CDH8: variants seen among roughly 807,000 people sequenced by gnomAD.
CDH8 encodes cadherin-8.
Under a neutral mutation model 68.1 loss-of-function variants are expected in CDH8, and 17 were observed. That is an observed-to-expected ratio of 0.25 (90% CI 0.17 to 0.37). The LOEUF (loss-of-function observed/expected upper bound fraction) is 0.37, where lower values mean the gene tolerates loss of function less well. Ranked by LOEUF, CDH8 falls within the 10% of genes least tolerant of loss-of-function variation. The pLI is 1.00. For synonymous variants in CDH8, 372 were observed against 365.1 expected, an observed-to-expected ratio of 1.02 and a Z score of -0.21; for missense variants, 763 against 999.3, an observed-to-expected ratio of 0.76 and a Z score of 3.19.
chr16:61,670,560 C>T (rs1963770828), intron 10 of CDH8, among the ~76,000 whole-genome samples: 1 of 151,546 alleles, frequency 6.6e-6, no homozygotes, highest in African/African-American at 2.4e-5. Flanking sequence ...AAATTAAGTC[C>T]CTACAAATAT....
chr16:61,897,846 G>A (rs1963896611), intron 3 of CDH8, among the ~76,000 whole-genome samples: 1 of 152,156 alleles, frequency 6.6e-6, no homozygotes, highest in Non-Finnish European at 1.5e-5. Flanking sequence ...CTCAGTTCCT[G>A]TTTGTAAGTC....
At chr16:61,669,091 A>T (rs559629308) in intron 10 of CDH8, among the ~76,000 whole-genome samples, 2 of 152,184 alleles carry the variant, frequency 1.3e-5, no homozygotes, top group South Asian at 2.1e-4. Flanking sequence ...TGTAGGTCAA[A>T]TATCCCTGAA....
chr16:61,836,669 A>G (rs1031545642), intron 4 of CDH8, among the ~76,000 whole-genome samples: 1 of 151,988 alleles, frequency 6.6e-6, no homozygotes, highest in African/African-American at 2.4e-5. Flanking sequence ...GGTAGCTGTC[A>G]CAATGACCAT....
chr16:61,835,487 C>T (rs192799843), intron 4 of CDH8, among the ~76,000 whole-genome samples: 2 of 152,022 alleles, frequency 1.3e-5, no homozygotes. Flanking sequence ...ACTTCTGTAG[C>T]TCTTGGATTC....
intron 3 of CDH8, among the ~76,000 whole-genome samples, chr16:61,883,571 G>A (rs1963617022): frequency 6.6e-6 from 1 of 151,566 alleles, no homozygotes; most frequent in Admixed American, 6.6e-5. Context: ...GTGAGATAAA[G>A]TTTCTTTTTT....
intron 1 of CDH8, among the ~76,000 whole-genome samples, chr16:62,035,523 G>A (rs986124704): frequency 1.3e-5 from 2 of 152,158 alleles, no homozygotes; most frequent in Non-Finnish European, 2.9e-5. Context: ...CTCGCGCTGG[G>A]GCTTTCGCAG....
chr16:61,982,295 A>G (rs925282272), intron 2 of CDH8, among the ~76,000 whole-genome samples: 2 of 151,902 alleles, frequency 1.3e-5, no homozygotes, highest in African/African-American at 2.4e-5. Flanking sequence ...TCTCGGCTCA[A>G]TGCAAGCTCC....
In CDH8 at chr16:61,848,679, G is replaced by A. The variant is rs556638081; in HGVS notation, c.667+8440C>T. ...AAATGAGCCATAAAAACTGGAGAAGGATGACATTTGTTGGGGGTATACATC... is the reference window on the plus strand; with the variant it reads ...AAATGAGCCATAAAAACTGGAGAAGAATGACATTTGTTGGGGGTATACATC... On this transcript the variant is annotated intron_variant, in intron 4 of 11. Coordinates refer to ENST00000577390, the MANE Select transcript of CDH8 (RefSeq NM_001796.5). 2.0e-5 allele frequency among the ~76,000 whole-genome samples: 3 copies of A among 152,176 alleles called. No homozygotes were observed. The South Asian group carries it at 6.2e-4, about 32-fold the overall frequency.
chr16:61,904,826 G>C (rs1964036557), intron 2 of CDH8, among the ~76,000 whole-genome samples: 1 of 152,060 alleles, frequency 6.6e-6, no homozygotes, highest in African/African-American at 2.4e-5. Flanking sequence ...TTTTTCTGCT[G>C]CTCTTCACGT....
chr16:61,698,634 C>G (rs1327888257), intron 10 of CDH8, among the ~76,000 whole-genome samples: 1 of 152,156 alleles, frequency 6.6e-6, no homozygotes, highest in African/African-American at 2.4e-5. Context: ...TTCTGTAAGT[C>G]CAACATCTAA....
At chr16:61,853,007 A>C (rs1030534189) in intron 4 of CDH8, among the ~76,000 whole-genome samples, 3 of 152,110 alleles carry the variant, frequency 2.0e-5, no homozygotes, top group Admixed American at 6.6e-5. Flanking sequence ...TAGATTTGCA[A>C]AATCAACAAA....
chr16:61,683,555 G>A (rs1404977740), intron 10 of CDH8, among the ~76,000 whole-genome samples: 1 of 151,940 alleles, frequency 6.6e-6, no homozygotes, highest in Non-Finnish European at 1.5e-5. Flanking sequence ...TGTTGAAAGA[G>A]GTAGGTCCTT....
At position 61,652,619 on chromosome 16, in the gene CDH8, A is replaced by G. The variant is rs902846079; in HGVS notation, c.*989T>C. 1.1e-5 allele frequency: 12 copies of G among 1,055,974 alleles called. No individual in the cohort carries two copies. The African/African-American group carries it at 2.0e-4, about 17-fold the overall frequency. The allele number at this position is 1,055,974 out of a possible 1,614,324, so 65.4% of individuals were successfully genotyped here. A position where few individuals can be genotyped will look rare whatever the true frequency, so the allele number is the denominator to read the frequency against. ...CATCTCATCAAAATGTACATGTATT[A>G]AACATTCATTGTATATATATTTATA... On this transcript the variant is annotated 3_prime_UTR_variant, in exon 12 of 12. Transcript: ENST00000577390.
intron 2 of CDH8, among the ~76,000 whole-genome samples, chr16:61,971,151 A>G (rs893635253): frequency 3.9e-5 from 6 of 152,164 alleles, no homozygotes; most frequent in Non-Finnish European, 7.4e-5. Flanking sequence ...ATAAGAACTG[A>G]TAATAATCCA....
At chr16:61,865,121 T>A (rs534045970) in intron 3 of CDH8, among the ~76,000 whole-genome samples, 3 of 152,308 alleles carry the variant, frequency 2.0e-5, no homozygotes, top group Admixed American at 6.5e-5. Context: ...AAATTCCACA[T>A]GCTCCAAATT....
intron 5 of CDH8, 47 bp from the exon 6 acceptor site, chr16:61,821,160 T>C (rs778383431): frequency 1.0e-5 from 15 of 1,440,044 alleles, no homozygotes; most frequent in Non-Finnish European, 1.4e-5. Context: ...TTCCAACCAT[T>C]CATTCATTCA....
At chr16:61,656,119 G>T (rs1206262522) in intron 10 of CDH8, among the ~76,000 whole-genome samples, 2 of 151,986 alleles carry the variant, frequency 1.3e-5, no homozygotes, top group African/African-American at 2.4e-5. Flanking sequence ...TGATCCACCC[G>T]CCTAGGCCTC....
At chr16:61,875,433 G>T (rs368028246) in intron 3 of CDH8, among the ~76,000 whole-genome samples, 2 of 152,082 alleles carry the variant, frequency 1.3e-5, no homozygotes, top group Non-Finnish European at 2.9e-5. Flanking sequence ...CTGATCCTCC[G>T]TGTAATTCAG....
At chr16:61,681,293 A>G (rs1964008172) in intron 10 of CDH8, among the ~76,000 whole-genome samples, 1 of 151,950 alleles carries the variant, frequency 6.6e-6, no homozygotes. Context: ...CAGCTGCTGC[A>G]TGAATAAACA....
Sources: gnomAD v4.1 joint callset for allele counts (sites outside exome capture counted in the v4.1 genomes callset) on GRCh38, gnomAD v4.1.1 for gene constraint, MANE v1.5 for transcripts, NCBI Gene and HGNC (gene_info 2026-07-23, HGNC 2026-07-21) for gene names.